ARHGAP24: variants seen among roughly 807,000 people sequenced by gnomAD.
The protein encoded by ARHGAP24 is rho GTPase-activating protein 24.
Under a neutral mutation model 76.4 loss-of-function variants are expected in ARHGAP24, and 50 were observed. That is an observed-to-expected ratio of 0.65 (90% CI 0.52 to 0.83). The LOEUF (loss-of-function observed/expected upper bound fraction) is 0.83. Ranked by LOEUF, ARHGAP24 falls within the 40% of genes least tolerant of loss-of-function variation. The pLI, the probability that ARHGAP24 is intolerant of heterozygous loss-of-function variation, is 0.00. For missense variants in ARHGAP24, 930 were observed against 914.2 expected (o/e 1.02, Z -0.22); for synonymous variants, 345 against 323.3 (o/e 1.07, Z -0.72).
intron 3 of ARHGAP24, among the ~76,000 whole-genome samples, chr4:85,856,148 G>T (rs528519933): frequency 1.3e-5 from 2 of 152,006 alleles, no homozygotes; most frequent in Admixed American, 1.3e-4. Flanking sequence ...TTTAATTTTA[G>T]GTGTTCTAAT....
intron 9 of ARHGAP24, 33 bp downstream of exon 9, chr4:85,995,690 G>C (rs1270127414): frequency 6.3e-7 from 1 of 1,595,266 alleles, no homozygotes; most frequent in Non-Finnish European, 8.6e-7. Flanking sequence ...AACTACCAGA[G>C]AGGGCTCAGT....
At chr4:85,513,005 G>A (rs927432687) in intron 1 of ARHGAP24, among the ~76,000 whole-genome samples, 1 of 152,198 alleles carries the variant, frequency 6.6e-6, no homozygotes, top group Non-Finnish European at 1.5e-5. Flanking sequence ...TGGGAGTTAT[G>A]TCCTCTCCCT....
intron 3 of ARHGAP24, among the ~76,000 whole-genome samples, chr4:85,862,416 G>A (rs1578313675): frequency 1.3e-5 from 2 of 152,208 alleles, no homozygotes; most frequent in East Asian, 3.9e-4. Context: ...AGTGATTGAA[G>A]TATGGCTGCT....
chr4:85,992,837 G>A (rs921473854), intron 8 of ARHGAP24, among the ~76,000 whole-genome samples: 1 of 152,052 alleles, frequency 6.6e-6, no homozygotes, highest in African/African-American at 2.4e-5. Flanking sequence ...TGTAATAATT[G>A]ATGGTAATTC....
chr4:85,935,146 G>A (rs904194969), intron 4 of ARHGAP24, among the ~76,000 whole-genome samples: 1 of 152,098 alleles, frequency 6.6e-6, no homozygotes, highest in African/African-American at 2.4e-5. Context: ...TATGAAAATG[G>A]ATTTGCCCAA....
intron 2 of ARHGAP24, among the ~76,000 whole-genome samples, chr4:85,662,640 T>A (rs1181608049): frequency 6.6e-6 from 1 of 152,040 alleles, no homozygotes; most frequent in Non-Finnish European, 1.5e-5. Context: ...CTAGGGTTTT[T>A]ATGGTTTTAG....
intron 3 of ARHGAP24, among the ~76,000 whole-genome samples, chr4:85,736,604 A>G (rs1725616716): frequency 6.6e-6 from 1 of 152,228 alleles, no homozygotes; most frequent in African/African-American, 2.4e-5. Context: ...TCATCCAATA[A>G]ACATCAAGTA....
chr4:85,931,283 G>T lies in ARHGAP24; in HGVS notation c.391+7513G>T, dbSNP rs149218128. On this transcript the variant is annotated intron_variant, in intron 4 of 9. Coordinates refer to ENST00000395184, the MANE Select transcript of ARHGAP24 (RefSeq NM_001025616.3). ...GGCTTAAAGAATAGTGATCCTATGG[G>T]GATCACCTTGACTGACAGGGGACTA... Among the ~76,000 whole-genome samples, 190 of 152,058 alleles carry T rather than the reference G, an allele frequency of 1.2e-3. No homozygotes were observed. Among genetic ancestry groups the T allele is most frequent in the African/African-American group, 4.5e-3 (187 of 41,468 alleles).
At chr4:85,653,614 C>T (rs999260273) in intron 2 of ARHGAP24, among the ~76,000 whole-genome samples, 1 of 152,076 alleles carries the variant, frequency 6.6e-6, no homozygotes, top group African/African-American at 2.4e-5. Context: ...GCTGGGATTA[C>T]AGGTGCCTGT....
intron 3 of ARHGAP24, among the ~76,000 whole-genome samples, chr4:85,863,793 A>G (rs1036061730): frequency 2.0e-5 from 3 of 152,104 alleles, no homozygotes; most frequent in Non-Finnish European, 4.4e-5. Context: ...AGGAAAATTT[A>G]GAACATGGAC....
At chr4:85,533,324 A>T (rs543656700) in intron 1 of ARHGAP24, among the ~76,000 whole-genome samples, 2 of 152,328 alleles carry the variant, frequency 1.3e-5, no homozygotes, top group African/African-American at 4.8e-5. Flanking sequence ...TTTTCAAGCT[A>T]GATAAGTATA....
intron 4 of ARHGAP24, among the ~76,000 whole-genome samples, chr4:85,931,992 A>G (rs1421598295): frequency 6.6e-6 from 1 of 151,800 alleles, no homozygotes; most frequent in African/African-American, 2.4e-5. Context: ...GTAACTAACA[A>G]AAAAAAATAA....
At chr4:85,517,859 A>G (rs1238600799) in intron 1 of ARHGAP24, among the ~76,000 whole-genome samples, 2 of 152,160 alleles carry the variant, frequency 1.3e-5, no homozygotes, top group South Asian at 2.1e-4. Flanking sequence ...TTATGTGAAT[A>G]CGTAATATTT....
intron 1 of ARHGAP24, among the ~76,000 whole-genome samples, chr4:85,535,837 A>C (rs1725447302): frequency 6.6e-6 from 1 of 152,152 alleles, no homozygotes; most frequent in Non-Finnish European, 1.5e-5. Flanking sequence ...TGTTCTTGGA[A>C]GAGTAAAATT....
intron 3 of ARHGAP24, among the ~76,000 whole-genome samples, chr4:85,839,054 G>A (rs551467788): frequency 5.5e-4 from 84 of 152,284 alleles, no homozygotes; most frequent in African/African-American, 2.0e-3. Context: ...TCTAATAAAT[G>A]TTTGGCACCT....
chr4:85,677,428 A>C (rs1177594024), intron 2 of ARHGAP24, among the ~76,000 whole-genome samples: 2 of 152,190 alleles, frequency 1.3e-5, no homozygotes, highest in East Asian at 3.9e-4. Flanking sequence ...AATGAGCTTA[A>C]TTAACCTATT....
chr4:85,683,793 T>G (rs1723319468), intron 2 of ARHGAP24, among the ~76,000 whole-genome samples: 1 of 152,148 alleles, frequency 6.6e-6, no homozygotes, highest in Admixed American at 6.5e-5. Context: ...CAACCATCTC[T>G]CTACCTTGGC....
chr4:85,595,421 T>C (rs1335286602), intron 2 of ARHGAP24, among the ~76,000 whole-genome samples: 3 of 152,130 alleles, frequency 2.0e-5, no homozygotes, highest in Non-Finnish European at 4.4e-5. Context: ...TGAGGCAAAG[T>C]GGCAAACTTC....
At chr4:85,863,463 G>A (rs1316728256) in intron 3 of ARHGAP24, among the ~76,000 whole-genome samples, 3 of 152,008 alleles carry the variant, frequency 2.0e-5, no homozygotes, top group Non-Finnish European at 2.9e-5. Flanking sequence ...TGTAAGCTCA[G>A]TGAAGTCAAA....
Sources: allele counts gnomAD v4.1 joint callset (sites outside exome capture counted in the v4.1 genomes callset), GRCh38; gene constraint gnomAD v4.1.1; transcripts MANE v1.5; gene names NCBI Gene and HGNC (gene_info 2026-07-23, HGNC 2026-07-21).